The following OR2B11 variants were observed in gnomAD, a reference collection of about 807,000 sequenced individuals.
The protein encoded by OR2B11 is olfactory receptor 2B11.
For missense variants in OR2B11, 422 were observed against 400.0 expected, an observed-to-expected ratio of 1.05 and a Z score of -0.47; for synonymous variants, 198 against 174.5, an observed-to-expected ratio of 1.13 and a Z score of -1.06.
chr1:247,455,151 T>C (rs1664941150), intron 1 of OR2B11, 87 bp from the exon 2 acceptor site: 2 of 152,176 alleles, frequency 1.3e-5, no homozygotes, highest in South Asian at 4.1e-4. Context: ...GCTGCTGAAA[T>C]CTCTGCTGAA....
intron 1 of OR2B11, among the ~76,000 whole-genome samples, chr1:247,455,743 G>T (rs1216827831): frequency 6.6e-6 from 1 of 152,142 alleles, no homozygotes; most frequent in Non-Finnish European, 1.5e-5. Flanking sequence ...CCTGTGCCAG[G>T]ACTGGGGAAG....
rs2103266981 is a variant in OR2B11 at position 247,453,115 on chromosome 1, A to G, written c.-1133T>C. The G allele has an allele frequency of 6.6e-6, 1 of 152,334 alleles. No homozygotes were observed. The highest frequency in any genetic ancestry group is 2.1e-4 in the South Asian group (1 of 4,828). 9.4% of individuals were successfully genotyped at this position (152,334 alleles called of 1,614,324 possible). ...GATAGGATTGAAAAATATTATTAAT[A>G]AACAATAATTAATTAATCATTATTC... is the stretch of plus-strand genomic sequence containing the variant. On this transcript the variant is annotated 5_prime_UTR_variant, in exon 2 of 2. Transcript: ENST00000641149.
chr1:247,451,668 A>C lies in OR2B11; in HGVS notation c.315T>G (p.Tyr105Ter). ...TGCATCCCAGCCAGTGGAAGACTGC[A>C]TATTGCACAGTGCAGCCTCCATAGC... Reference protein sequence around the residue: ...TISYGGCTVQYAVFHWLGCTE... With the variant: ...TISYGGCTVQ The change falls in exon 2 of 2, where the codon TAT becomes TAG. Residue 105 changes from tyrosine to a stop codon, truncating the protein, a stop_gained. Coordinates refer to ENST00000641149, the MANE Select transcript of OR2B11 (RefSeq NM_001004492.2). LOFTEE classifies it low-confidence loss of function (END_TRUNC). 1 of 1,614,200 alleles carries C rather than the reference A, an allele frequency of 6.2e-7. No individual in the cohort carries two copies. The highest frequency in any genetic ancestry group is 8.5e-7 in the Non-Finnish European group (1 of 1,180,028).
intron 1 of OR2B11, among the ~76,000 whole-genome samples, chr1:247,457,332 C>T (rs754859220): frequency 2.0e-5 from 3 of 152,078 alleles, no homozygotes; most frequent in African/African-American, 4.8e-5. Context: ...TAGGAGGAAG[C>T]GGAGGAAAGG....
intron 1 of OR2B11, among the ~76,000 whole-genome samples, chr1:247,457,095 C>T (rs185753697): frequency 6.6e-6 from 1 of 152,136 alleles, no homozygotes; most frequent in African/African-American, 2.4e-5. Context: ...GCTGCACAGC[C>T]CTCAGCGCGT....
Position 247,457,402 on chromosome 1 carries a change from G to A in OR2B11, c.-3083+237C>T, listed in dbSNP as rs926283175. On this transcript the variant is annotated intron_variant, in intron 1 of 1. Transcript: ENST00000641149. ...ACTGTTCAGATGAGTGTCAGACAGC[G>A]TGCCTACCTCCAGGCAGAGCATCCT... 7.2e-5 allele frequency among the ~76,000 whole-genome samples: 11 copies of A among 152,068 alleles called. 1 individual carries two copies. The highest frequency in any genetic ancestry group is 1.2e-4 in the Non-Finnish European group (8 of 68,018).
Position 247,449,668 on chromosome 1 carries a change from AC to A in OR2B11, c.*1360del, listed in dbSNP as rs1238217383. The A allele has an allele frequency of 6.6e-6, 1 of 151,766 alleles. No individual in the cohort carries two copies. The highest frequency in any genetic ancestry group is 6.5e-5 in the Admixed American group (1 of 15,270). 9.4% of individuals were successfully genotyped at this position (151,766 alleles called of 1,614,324 possible). On this transcript the variant is annotated 3_prime_UTR_variant, in exon 2 of 2. Transcript: ENST00000641149. ...TTAGATGAGCTGACATTTAAAAAAA[AC>A]CCTGAAGACTATTTTTATAAGGGAA...
Position 247,451,522 on chromosome 1 carries a change from A to G in OR2B11, c.461T>C (p.Leu154Pro). 6.2e-7 allele frequency: 1 copy of G among 1,614,224 alleles called. No individual in the cohort carries two copies. The highest frequency in any genetic ancestry group is 8.5e-7 in the Non-Finnish European group (1 of 1,180,044). Residue 154 changes from leucine to proline, a missense_variant, in exon 2 of 2, where the codon CTC (leucine) becomes CCC (proline). Transcript: ENST00000641149. ...LCQQLVALAW[L>P]SGFGNSFVQV... Reference sequence around the variant, plus strand: ...CACGAAGGAGTTGCCGAAGCCACTGAGCCAGGCCAGAGCCACGAGCTGCTG... The same window carrying G: ...CACGAAGGAGTTGCCGAAGCCACTGGGCCAGGCCAGAGCCACGAGCTGCTG...
rs4518943 is a variant in OR2B11, at chr1:247,453,464, T to G, written c.-1482A>C. On this transcript the variant is annotated 5_prime_UTR_variant, in exon 2 of 2. Coordinates refer to ENST00000641149, the MANE Select transcript of OR2B11 (RefSeq NM_001004492.2). ...TCCCAGATTCTATCAACAATACTTA[T>G]GAAATAAACTTCACAGAATGTGATC... The G allele has an allele frequency of 2.6e-5, 4 of 152,268 alleles. No homozygotes were observed. The East Asian group carries it at 5.8e-4, about 22-fold the overall frequency. 9.4% of individuals were successfully genotyped at this position (152,268 alleles called of 1,614,324 possible).
rs966393569 is a variant in OR2B11, at chr1:247,451,295, G to C, written c.688C>G (p.Leu230Val). 2.5e-6 allele frequency: 4 copies of C among 1,614,060 alleles called. No individual in the cohort carries two copies. The highest frequency in any genetic ancestry group is 3.3e-5 in the Admixed American group (2 of 60,008). ...LSYGFIARAV[L>V]RIQSSKGRHK... ...CGTCCCTTGGAGGACTGGATCCTGA[G>C]CACTGCCCGGGCAATAAAGCCATAG... Residue 230 changes from leucine (L) to valine (V), a missense_variant, in exon 2 of 2, where the codon CTC (leucine) becomes GTC (valine). By Grantham distance (32) the Leu-to-Val change is conservative. Coordinates refer to ENST00000641149, the MANE Select transcript of OR2B11 (RefSeq NM_001004492.2).
chr1:247,457,103 C>T (rs1251891514), intron 1 of OR2B11, among the ~76,000 whole-genome samples: 2 of 152,068 alleles, frequency 1.3e-5, no homozygotes, highest in Non-Finnish European at 2.9e-5. Context: ...GCCCTCAGCG[C>T]GTGGCTCAGG....
intron 1 of OR2B11, among the ~76,000 whole-genome samples, chr1:247,455,931 A>G (rs1664956723): frequency 6.6e-6 from 1 of 152,260 alleles, no homozygotes; most frequent in Non-Finnish European, 1.5e-5. Context: ...GTTTGAGGAC[A>G]TGAATATGCC....
intron 1 of OR2B11, among the ~76,000 whole-genome samples, chr1:247,455,899 G>A (rs534620963): frequency 2.6e-5 from 4 of 152,258 alleles, no homozygotes; most frequent in South Asian, 2.1e-4. Flanking sequence ...ATCATCTTCT[G>A]TAGCTCCCAC....
rs6426248 is a variant in OR2B11 at position 247,450,176 on chromosome 1, T to C, written c.*853A>G. The C allele has an allele frequency of 0.99, 150,747 of 151,998 alleles. 74,766 individuals are homozygous for C. Among genetic ancestry groups the C allele is most frequent in the Middle Eastern group, 1 (294 of 294 alleles). 9.4% of individuals were successfully genotyped at this position (151,998 alleles called of 1,614,324 possible). A position where few individuals can be genotyped will look rare whatever the true frequency, so the allele number is the denominator to read the frequency against. On this transcript the variant is annotated 3_prime_UTR_variant, in exon 2 of 2. Coordinates refer to ENST00000641149, the MANE Select transcript of OR2B11 (RefSeq NM_001004492.2). ...CTAATTTTTGTATTTTTAGTAGAGA[T>C]GGGGTTTCACCATCTTGGCCAGGCT...
chr1:247,453,063 G>C lies in OR2B11; in HGVS notation c.-1081C>G, dbSNP rs1439865678. 2 of 152,118 alleles carry C rather than the reference G, an allele frequency of 1.3e-5. No individual in the cohort carries two copies. Among genetic ancestry groups the C allele is most frequent in the African/African-American group, 4.8e-5 (2 of 41,422 alleles). 9.4% of individuals were successfully genotyped at this position (152,118 alleles called of 1,614,324 possible). On this transcript the variant is annotated 5_prime_UTR_variant, in exon 2 of 2. Coordinates refer to ENST00000641149, the MANE Select transcript of OR2B11 (RefSeq NM_001004492.2). ...TCGCTCAAGCATTGCACACCTTCCA[G>C]TTCCTGATGGGGATGTTATGCTCCA...
Position 247,450,467 on chromosome 1 carries a change from T to G in OR2B11, c.*562A>C, listed in dbSNP as rs1165373480. 6.6e-6 allele frequency: 1 copy of G among 152,242 alleles called. No homozygotes were observed. Among genetic ancestry groups the G allele is most frequent in the African/African-American group, 2.4e-5 (1 of 41,458 alleles). 9.4% of individuals were successfully genotyped at this position (152,242 alleles called of 1,614,324 possible). A position where few individuals can be genotyped will look rare whatever the true frequency, so the allele number is the denominator to read the frequency against. ...ATGTTTTCCATCGTGGTTGTACTAGTGTTTGTACTAGTTTACATTTCATGG... is the reference window on the plus strand; with the variant it reads ...ATGTTTTCCATCGTGGTTGTACTAGGGTTTGTACTAGTTTACATTTCATGG... On this transcript the variant is annotated 3_prime_UTR_variant, in exon 2 of 2. Transcript: ENST00000641149.
chr1:247,455,670 A>G (rs1664951271), intron 1 of OR2B11, among the ~76,000 whole-genome samples: 8 of 152,122 alleles, frequency 5.3e-5, no homozygotes, highest in Admixed American at 3.3e-4. Flanking sequence ...CTTTATTCTC[A>G]GTGTCACTCA....
rs1236467750 is a variant in OR2B11 at position 247,449,276 on chromosome 1, A to C, written c.*1753T>G. 4 of 152,266 alleles carry C rather than the reference A, an allele frequency of 2.6e-5. No individual in the cohort carries two copies. The highest frequency in any genetic ancestry group is 9.7e-5 in the African/African-American group (4 of 41,450). 9.4% of individuals were successfully genotyped at this position (152,266 alleles called of 1,614,324 possible). A position where few individuals can be genotyped will look rare whatever the true frequency, so the allele number is the denominator to read the frequency against. On this transcript the variant is annotated 3_prime_UTR_variant, in exon 2 of 2. Transcript: ENST00000641149. ...GGAATTTCATCTTTGATAGGATAGG[A>C]GATTGAAAATCGTGGAGGGAAAGGT... is the stretch of plus-strand genomic sequence containing the variant.
At chr1:247,455,597 G>A (rs73142611) in intron 1 of OR2B11, among the ~76,000 whole-genome samples, 3,551 of 152,212 alleles carry the variant, frequency 0.023, 125 homozygotes, top group African/African-American at 0.077. Flanking sequence ...AAGTACAATC[G>A]AGACGTTAGC....
Sources: allele counts gnomAD v4.1 joint callset (sites outside exome capture counted in the v4.1 genomes callset), GRCh38; gene constraint gnomAD v4.1.1; transcripts MANE v1.5; gene names NCBI Gene and HGNC (gene_info 2026-07-23, HGNC 2026-07-21).